NDUFAF6: variants seen among roughly 807,000 people sequenced by gnomAD.
NDUFAF6 encodes NADH:ubiquinone oxidoreductase complex assembly factor 6, also known as NADH dehydrogenase (ubiquinone) complex I, assembly factor 6.
In NDUFAF6, 45 loss-of-function variants were observed where a neutral mutation model predicts 40.8. That is an observed-to-expected ratio of 1.10 (90% CI 0.87 to 1.42). NDUFAF6 has a LOEUF of 1.42. NDUFAF6 is among the 40% of genes most tolerant of loss of function. The pLI is 0.00. For synonymous variants in NDUFAF6, 185 were observed against 155.9 expected, an observed-to-expected ratio of 1.19 and a Z score of -1.39; for missense variants, 435 against 418.5, an observed-to-expected ratio of 1.04 and a Z score of -0.34.
intron 2 of NDUFAF6, among the ~76,000 whole-genome samples, chr8:95,101,545 A>G (rs1056640610): frequency 6.6e-6 from 1 of 152,156 alleles, no homozygotes; most frequent in East Asian, 1.9e-4. Flanking sequence ...CTGTCTCTGT[A>G]ACTTCCACCC....
intron 2 of NDUFAF6, among the ~76,000 whole-genome samples, chr8:94,986,787 A>G (rs532349276): frequency 4.6e-5 from 7 of 152,290 alleles, no homozygotes; most frequent in African/African-American, 7.2e-5. Flanking sequence ...CTATTCCCCT[A>G]TTACCTGTCA....
chr8:94,991,671 A>AT (rs1458705017), intron 2 of NDUFAF6, among the ~76,000 whole-genome samples: 1 of 151,722 alleles, frequency 6.6e-6, no homozygotes, highest in African/African-American at 2.4e-5. Flanking sequence ...AATTAAATAT[A>AT]TTTTTTTCTT....
chr8:94,896,293 C>T (rs1476066544), intron 1 of NDUFAF6, among the ~76,000 whole-genome samples: 6 of 148,610 alleles, frequency 4.0e-5, no homozygotes, highest in East Asian at 2.0e-4. Flanking sequence ...CCAGCGCGCC[C>T]TGCGGAGCCC....
intron 1 of NDUFAF6, among the ~76,000 whole-genome samples, chr8:94,976,819 A>G (rs1284696217): frequency 5.9e-5 from 9 of 152,166 alleles, no homozygotes; most frequent in African/African-American, 2.4e-5. Flanking sequence ...TTTCACAACA[A>G]TGCGAATGTA....
intron 8 of NDUFAF6, 47 bp from the exon 9 acceptor site, chr8:95,057,762 G>A: frequency 2.3e-6 from 3 of 1,296,428 alleles, no homozygotes; most frequent in Non-Finnish European, 3.2e-6. Context: ...TTTTTTTTAA[G>A]TCTTGATCAT....
Position 94,947,800 on chromosome 8 carries a change from T to C in NDUFAF6, c.-799+2181T>C, listed in dbSNP as rs867826138. Among the ~76,000 whole-genome samples the C allele has an allele frequency of 7.2e-5, 11 of 152,312 alleles. No homozygotes were observed. In the East Asian group the frequency reaches 9.6e-4, roughly 13 times the overall value. On this transcript the variant is annotated intron_variant, in intron 2 of 14. Transcript: ENST00000396113. ...AGCAATGGCAGGAAAGAACAAAAGA[T>C]AGGATGAGAAAACAAGACCTTGGTC... is the stretch of plus-strand genomic sequence containing the variant.
At chr8:94,933,834 T>TGG (rs572867137) in intron 1 of NDUFAF6, among the ~76,000 whole-genome samples, 9,670 of 58,096 alleles carry the variant, frequency 0.17, 2,407 homozygotes, top group Non-Finnish European at 0.25. Context: ...CAGCACTTTG[T>TGG]GGGGGGGGGG....
intron 2 of NDUFAF6, among the ~76,000 whole-genome samples, chr8:95,009,715 G>A (rs1827152138): frequency 1.3e-5 from 2 of 152,116 alleles, no homozygotes; most frequent in Admixed American, 1.3e-4. Context: ...TTTTTGTAAA[G>A]GAGGAAAAGC....
rs770704452 is a variant in NDUFAF6 at position 95,032,065 on chromosome 8, C to T, written c.268C>T (p.Leu90=). 3 of 1,614,118 alleles carry T rather than the reference C, an allele frequency of 1.9e-6. No homozygotes were observed. The Admixed American group carries it at 5.0e-5, about 27-fold the overall frequency. The change falls in exon 2 of 9, where the codon CTG becomes TTG. Residue 90 remains leucine (L), a synonymous_variant. Transcript: ENST00000396124. ...AGAATCCCGAAGCTCTGTTTTTGCA[C>T]TGAGGGCCTTTAATGTGGAACTGGC... The part of the protein sequence containing the change: ...PAESRSSVFA[L]RAFNVELAQV...
intron 2 of NDUFAF6, among the ~76,000 whole-genome samples, chr8:94,997,052 AAG>A (rs33949611): frequency 0.081 from 12,368 of 152,204 alleles, 804 homozygotes; most frequent in African/African-American, 0.18. Flanking sequence ...AAGTCAAGGA[AAG>A]AGCTGATTTT....
chr8:94,997,343 C>CACACACACAGAGAGAG (rs1242904810), intron 2 of NDUFAF6, among the ~76,000 whole-genome samples: 2 of 90,514 alleles, frequency 2.2e-5, no homozygotes, highest in African/African-American at 9.1e-5. Flanking sequence ...CACACACACA[C>CACACACACAGAGAGAG]AGAGAGAGAG....
downstream of NDUFAF6, among the ~76,000 whole-genome samples, chr8:95,077,573 A>G (rs377599421): frequency 5.9e-4 from 90 of 152,298 alleles, 1 homozygote; most frequent in South Asian, 0.017. Flanking sequence ...TAAAACTTAC[A>G]AAGTCTTTAT....
chr8:94,919,491 TCAAA>T lies in NDUFAF6; in HGVS notation c.-936+23567_-936+23570del, dbSNP rs893043410. Among the ~76,000 whole-genome samples, 62 of 152,330 alleles carry T rather than the reference TCAAA, an allele frequency of 4.1e-4. 1 individual carries two copies. Among genetic ancestry groups the T allele is most frequent in the African/African-American group, 1.4e-3 (60 of 41,568 alleles). On this transcript the variant is annotated intron_variant, in intron 1 of 14. Transcript: ENST00000396113. Reference sequence around the variant, plus strand: ...CACTTGTTTATTCTCAAGTAAGAAGTCAAACAGTTTAGAATGTCATTCATTTTGT... The same window carrying T: ...CACTTGTTTATTCTCAAGTAAGAAGTCAGTTTAGAATGTCATTCATTTTGT...
intron 1 of NDUFAF6, among the ~76,000 whole-genome samples, chr8:94,938,790 TC>T (rs1254717938): frequency 6.6e-6 from 1 of 152,070 alleles, no homozygotes; most frequent in South Asian, 2.1e-4. Flanking sequence ...GTAAACATGT[TC>T]CCCCAAGTTC....
intron 2 of NDUFAF6, among the ~76,000 whole-genome samples, chr8:95,007,349 A>T (rs1369068572): frequency 3.9e-5 from 6 of 151,994 alleles, no homozygotes; most frequent in African/African-American, 1.4e-4. Context: ...GCCAATAAGG[A>T]TATAGTTAAA....
upstream of NDUFAF6, among the ~76,000 whole-genome samples, chr8:95,098,281 C>T (rs1040145384): frequency 6.6e-6 from 1 of 152,032 alleles, no homozygotes; most frequent in African/African-American, 2.4e-5. Context: ...GCCTGTAATC[C>T]CAGCACTTTG....
chr8:95,084,774 C>T (rs770330708), intron 2 of NDUFAF6, among the ~76,000 whole-genome samples: 1 of 152,142 alleles, frequency 6.6e-6, no homozygotes, highest in Non-Finnish European at 1.5e-5. Context: ...CCTGTCTGTA[C>T]CAAAACAACA....
intron 2 of NDUFAF6, among the ~76,000 whole-genome samples, chr8:95,003,843 C>CA (rs1563783174): frequency 6.6e-6 from 1 of 152,116 alleles, no homozygotes; most frequent in African/African-American, 2.4e-5. Context: ...TTTAAGTGTG[C>CA]AATTCACTGG....
chr8:94,978,785 T>C (rs1200773659), intron 1 of NDUFAF6, among the ~76,000 whole-genome samples: 4 of 151,910 alleles, frequency 2.6e-5, no homozygotes, highest in African/African-American at 7.3e-5. Flanking sequence ...TGAGCCATCA[T>C]AGCAAATGGG....
Sources: allele counts gnomAD v4.1 joint callset (sites outside exome capture counted in the v4.1 genomes callset), GRCh38; gene constraint gnomAD v4.1.1; transcripts MANE v1.5; gene names NCBI Gene and HGNC (gene_info 2026-07-23, HGNC 2026-07-21).